Variants in RNF169 observed in about 807,000 individuals in gnomAD.
RNF169 encodes E3 ubiquitin-protein ligase RNF169.
In RNF169, 24 loss-of-function variants were observed where a neutral mutation model predicts 53.9. That is an observed-to-expected ratio of 0.45 (90% confidence interval 0.32 to 0.63). The LOEUF (loss-of-function observed/expected upper bound fraction) is 0.63, where lower values mean the gene tolerates loss of function less well. Among genes scored for constraint, RNF169 ranks in the 20% least tolerant of loss-of-function variants. The pLI is 0.04. For synonymous variants in RNF169, 396 were observed against 363.5 expected (o/e 1.09, Z -1.02); for missense variants, 883 against 906.2 (o/e 0.97, Z 0.33).
chr11:74,761,044 T>C (rs1487353925), intron 1 of RNF169, among the ~76,000 whole-genome samples: 1 of 61,240 alleles, frequency 1.6e-5, no homozygotes, highest in Admixed American at 2.1e-4. Context: ...CTTGTTGAAT[T>C]GATCCCTTTA....
At chr11:74,830,335 T>C (rs1284119158) in intron 4 of RNF169, among the ~76,000 whole-genome samples, 1 of 151,448 alleles carries the variant, frequency 6.6e-6, no homozygotes, top group Non-Finnish European at 1.5e-5. Flanking sequence ...GGAAGAAAAA[T>C]GATGACATTA....
intron 2 of RNF169, among the ~76,000 whole-genome samples, chr11:74,802,384 G>C (rs1033751752): frequency 6.6e-6 from 1 of 152,294 alleles, no homozygotes; most frequent in Middle Eastern, 3.4e-3. Context: ...GGTGTCTCAC[G>C]CTTGTAATTC....
At chr11:74,767,364 T>TAA (rs897682159) in intron 1 of RNF169, among the ~76,000 whole-genome samples, 1 of 151,858 alleles carries the variant, frequency 6.6e-6, no homozygotes, top group African/African-American at 2.4e-5. Flanking sequence ...ATTTATTATT[T>TAA]AAAAAAAACT....
chr11:74,753,732 T>G (rs1043638486), intron 1 of RNF169, among the ~76,000 whole-genome samples: 1 of 152,148 alleles, frequency 6.6e-6, no homozygotes, highest in African/African-American at 2.4e-5. Context: ...TTTTTTTTTA[T>G]TTTGTTGAAG....
intron 3 of RNF169, among the ~76,000 whole-genome samples, chr11:74,815,284 G>A (rs143980462): frequency 1.6e-3 from 251 of 152,142 alleles, no homozygotes; most frequent in African/African-American, 5.8e-3. Flanking sequence ...CGCTGGGCGC[G>A]GTGGCTCACA....
intron 1 of RNF169, among the ~76,000 whole-genome samples, chr11:74,753,803 A>G (rs1015242914): frequency 2.6e-5 from 4 of 152,158 alleles, no homozygotes; most frequent in Admixed American, 1.3e-4. Flanking sequence ...GTTTTCTTGA[A>G]AATTTTGGTT....
chr11:74,764,981 G>A (rs2035149716), intron 1 of RNF169, among the ~76,000 whole-genome samples: 1 of 152,182 alleles, frequency 6.6e-6, no homozygotes, highest in Admixed American at 6.5e-5. Context: ...GGAGGCCGAG[G>A]TGGGAGGATC....
chr11:74,749,554 C>A (rs1239377481), intron 1 of RNF169, among the ~76,000 whole-genome samples, 172 bp downstream of exon 1: 1 of 152,176 alleles, frequency 6.6e-6, no homozygotes, highest in Non-Finnish European at 1.5e-5. Context: ...TTTTGAACTT[C>A]AGAGTGAAGG....
At chr11:74,777,937 TAA>T (rs1254773238) in intron 1 of RNF169, among the ~76,000 whole-genome samples, 2 of 152,190 alleles carry the variant, frequency 1.3e-5, no homozygotes, top group Admixed American at 1.3e-4. Flanking sequence ...TCAACTGTCT[TAA>T]TTTGTCTTTC....
At chr11:74,814,582 G>C (rs186035179) in intron 3 of RNF169, among the ~76,000 whole-genome samples, 3 of 151,370 alleles carry the variant, frequency 2.0e-5, no homozygotes, top group Non-Finnish European at 2.9e-5. Flanking sequence ...GTAGAGACAG[G>C]GTCTCACTGT....
chr11:74,798,875 C>G (rs1438668262), intron 2 of RNF169, among the ~76,000 whole-genome samples: 1 of 151,892 alleles, frequency 6.6e-6, no homozygotes, highest in South Asian at 2.1e-4. Context: ...AGTAGTGAGA[C>G]CTCGTCACTA....
At chr11:74,790,394 T>C (rs1489808726) in intron 2 of RNF169, among the ~76,000 whole-genome samples, 1 of 152,248 alleles carries the variant, frequency 6.6e-6, no homozygotes, top group Non-Finnish European at 1.5e-5. Context: ...TAAATGTAAG[T>C]GATCCACTTA....
chr11:74,809,344 T>A (rs990271007), intron 2 of RNF169, among the ~76,000 whole-genome samples: 13 of 152,202 alleles, frequency 8.5e-5, no homozygotes, highest in African/African-American at 3.1e-4. Context: ...ACTCTGTTAA[T>A]AAATACTATT....
Position 74,803,120 on chromosome 11 carries a change from C to T in RNF169, c.577-7064C>T, listed in dbSNP as rs184601183. Among the ~76,000 whole-genome samples the T allele has an allele frequency of 5.5e-3, 829 of 150,374 alleles. 7 individuals are homozygous for T. The highest frequency in any genetic ancestry group is 0.019 in the African/African-American group (782 of 40,404). On this transcript the variant is annotated intron_variant, in intron 2 of 5. Transcript: ENST00000299563. Reference sequence around the variant, plus strand: ...TTTTTTTTTTTGAGATAGAGTCTTGCTTTGTCACCCAGGCTGGAGTGCAGT... The same window carrying T: ...TTTTTTTTTTTGAGATAGAGTCTTGTTTTGTCACCCAGGCTGGAGTGCAGT...
rs752665366 is a variant in RNF169, at chr11:74,834,785, A to G, written c.942+10A>G. ...AGGCAACAAAGCCAAGGTACACCTCAGCCACAGACCTCCGGGGCTTGTGAG... is the reference window on the plus strand; with the variant it reads ...AGGCAACAAAGCCAAGGTACACCTCGGCCACAGACCTCCGGGGCTTGTGAG... On this transcript the variant is annotated intron_variant, in intron 5 of 5. Coordinates refer to ENST00000299563, the MANE Select transcript of RNF169 (RefSeq NM_001098638.2). 7.5e-6 allele frequency: 12 copies of G among 1,596,856 alleles called. No homozygotes were observed. The highest frequency in any genetic ancestry group is 1.7e-5 in the Admixed American group (1 of 59,570).
chr11:74,758,356 A>G (rs1483818155), intron 1 of RNF169, among the ~76,000 whole-genome samples: 31 of 146,758 alleles, frequency 2.1e-4, no homozygotes, highest in African/African-American at 7.4e-4. Context: ...CCATTGATCT[A>G]TATCTCTGTT....
At chr11:74,777,506 G>T (rs1383626423) in intron 1 of RNF169, among the ~76,000 whole-genome samples, 2 of 152,146 alleles carry the variant, frequency 1.3e-5, no homozygotes, top group African/African-American at 2.4e-5. Context: ...GCCTCTTGCT[G>T]CTTTGACTGT....
chr11:74,819,423 T>C (rs892867094), intron 4 of RNF169, among the ~76,000 whole-genome samples: 5 of 152,242 alleles, frequency 3.3e-5, no homozygotes, highest in African/African-American at 9.6e-5. Flanking sequence ...TACCTTCTTA[T>C]AGATCCTCAT....
chr11:74,780,644 AATCTT>A (rs1425268047), intron 1 of RNF169, among the ~76,000 whole-genome samples: 2 of 152,222 alleles, frequency 1.3e-5, no homozygotes, highest in South Asian at 2.1e-4. Context: ...TCATCATGAA[AATCTT>A]ATCTTCTCCA....
Sources: gnomAD v4.1 joint callset for allele counts (sites outside exome capture counted in the v4.1 genomes callset) on GRCh38, gnomAD v4.1.1 for gene constraint, MANE v1.5 for transcripts, NCBI Gene and HGNC (gene_info 2026-07-23, HGNC 2026-07-21) for gene names.